The following ABLIM2 variants were observed in gnomAD, a reference collection of about 807,000 sequenced individuals.
ABLIM2 encodes actin binding LIM protein family member 2.
A neutral mutation model predicts 97.7 loss-of-function variants in ABLIM2; 53 were observed. The ratio of observed to expected loss-of-function variants is 0.54; its 90% CI spans 0.44 to 0.68. The LOEUF (loss-of-function observed/expected upper bound fraction) is 0.68, where lower values mean the gene tolerates loss of function less well. ABLIM2 is among the 30% of genes least tolerant of loss of function. The pLI, the probability that ABLIM2 is intolerant of heterozygous loss-of-function variation, is 0.00. For synonymous variants in ABLIM2, 361 were observed against 345.8 expected, an observed-to-expected ratio of 1.04 and a Z score of -0.49; for missense variants, 835 against 867.2, an observed-to-expected ratio of 0.96 and a Z score of 0.47.
Position 8,023,171 on chromosome 4 carries a change from G to T in ABLIM2, c.1268-2868C>A, listed in dbSNP as rs1308057703. The T allele has an allele frequency of 1.3e-5, 2 of 152,280 alleles. No individual in the cohort carries two copies. Among genetic ancestry groups the T allele is most frequent in the African/African-American group, 4.8e-5 (2 of 41,422 alleles). 9.4% of individuals were successfully genotyped at this position (152,280 alleles called of 1,614,324 possible). ...GGGGGCTCCCGCACCCTCCCGGCCC[G>T]CGTCCCTGCCGTCCCCTCTCCCATC... On this transcript the variant is annotated intron_variant, in intron 12 of 20. Coordinates refer to ENST00000447017, the MANE Select transcript of ABLIM2 (RefSeq NM_001130083.2). The surrounding 1 kb of genome is among the most constrained non-coding windows in gnomAD (Gnocchi z 5.7).
At position 8,054,569 on chromosome 4, in the gene ABLIM2, C is replaced by A. The variant is rs1436845260; in HGVS notation, c.764-323G>T. Among the ~76,000 whole-genome samples the A allele has an allele frequency of 6.6e-6, 1 of 152,220 alleles. No individual in the cohort carries two copies. The highest frequency in any genetic ancestry group is 1.5e-5 in the Non-Finnish European group (1 of 68,040). ...GAACCTGGGGGGCAGCTGGAAGATT[C>A]TTCTCTGAGGAGGGGGTATTTGAAG... On this transcript the variant is annotated intron_variant, in intron 7 of 20. Coordinates refer to ENST00000447017, the MANE Select transcript of ABLIM2 (RefSeq NM_001130083.2). The surrounding 1 kb of genome is among the most constrained non-coding windows in gnomAD (Gnocchi z 4.9).
In ABLIM2 at chr4:8,003,789, T is replaced by G. The variant is rs548951103; in HGVS notation, c.1618+4270A>C. The stretch of plus-strand genomic sequence containing the variant: ...CATGTTGGTCAGGCTGGTCTCGAAC[T>G]CCTGACCTCAGGTGATCTGCCCGCC... On this transcript the variant is annotated intron_variant, in intron 16 of 20. Coordinates refer to ENST00000447017, the MANE Select transcript of ABLIM2 (RefSeq NM_001130083.2). The surrounding 1 kb of genome is among the most constrained non-coding windows in gnomAD (Gnocchi z 4.2). Among the ~76,000 whole-genome samples, 4 of 152,216 alleles carry G rather than the reference T, an allele frequency of 2.6e-5. No homozygotes were observed. The South Asian group carries it at 8.3e-4, about 32-fold the overall frequency.
chr4:8,041,338 G>C (rs1420325736), intron 9 of ABLIM2: 1 of 152,278 alleles, frequency 6.6e-6, no homozygotes, highest in Admixed American at 6.5e-5. Flanking sequence ...TCCACAGGGA[G>C]CTTGTGCTCA....
rs145252003 is a variant in ABLIM2, at chr4:8,127,233, C to T, written c.11-20596G>A. 5.9e-5 allele frequency among the ~76,000 whole-genome samples: 9 copies of T among 152,290 alleles called. No homozygotes were observed. Among genetic ancestry groups the T allele is most frequent in the Non-Finnish European group, 1.0e-4 (7 of 68,028 alleles). ...GGGTGCTGGAGTCCAGACGCAGCTCCGATACCAGCACCGTGTGAGGTTGGA... is the reference window on the plus strand; with the variant it reads ...GGGTGCTGGAGTCCAGACGCAGCTCTGATACCAGCACCGTGTGAGGTTGGA... On this transcript the variant is annotated intron_variant, in intron 1 of 20. Coordinates refer to ENST00000447017, the MANE Select transcript of ABLIM2 (RefSeq NM_001130083.2). The surrounding 1 kb of genome is among the most constrained non-coding windows in gnomAD (Gnocchi z 7.3).
rs990833682 is a variant in ABLIM2, at chr4:8,069,018, C to T, written c.676-7964G>A. Among the ~76,000 whole-genome samples the T allele has an allele frequency of 2.6e-5, 4 of 152,250 alleles. No individual in the cohort carries two copies. Among genetic ancestry groups the T allele is most frequent in the Non-Finnish European group, 5.9e-5 (4 of 68,054 alleles). On this transcript the variant is annotated intron_variant, in intron 6 of 20. Transcript: ENST00000447017. The surrounding 1 kb of genome is among the most constrained non-coding windows in gnomAD (Gnocchi z 4.2). ...AGAAGGGCCCCACTCTGAGCAGTGC[C>T]CAGCAAGGCCCCTTGAGATCTGGGC...
chr4:8,110,415 G>C (rs1273409091), intron 1 of ABLIM2, among the ~76,000 whole-genome samples: 1 of 152,064 alleles, frequency 6.6e-6, no homozygotes, highest in African/African-American at 2.4e-5. Context: ...TGTGACCTCA[G>C]GTGAGGCCCT....
At chr4:8,126,434 C>G (rs1276218756) in intron 1 of ABLIM2, among the ~76,000 whole-genome samples, 1 of 150,300 alleles carries the variant, frequency 6.7e-6, no homozygotes, top group Non-Finnish European at 1.5e-5. Flanking sequence ...CCCTCCCCTC[C>G]CTTCCCTCTC....
At chr4:8,145,513 C>T (rs905477620) in intron 1 of ABLIM2, among the ~76,000 whole-genome samples, 1 of 152,030 alleles carries the variant, frequency 6.6e-6, no homozygotes, top group Non-Finnish European at 1.5e-5. Flanking sequence ...ACAAATCAAT[C>T]ACTCCCTTTG....
intron 9 of ABLIM2, chr4:8,041,512 G>C (rs1412703130): frequency 2.6e-5 from 4 of 151,706 alleles, no homozygotes; most frequent in African/African-American, 7.3e-5. Context: ...CTTGAAAGTG[G>C]GACCATGACA....
At chr4:8,081,943 G>C (rs1820105965) in intron 4 of ABLIM2, among the ~76,000 whole-genome samples, 2 of 152,194 alleles carry the variant, frequency 1.3e-5, no homozygotes, top group African/African-American at 4.8e-5. Flanking sequence ...TGTGTGACTG[G>C]TGCGTGAGTG....
rs1760844894 is a variant in ABLIM2, at chr4:8,005,730, A to G, written c.1618+2329T>C. 6.6e-6 allele frequency among the ~76,000 whole-genome samples: 1 copy of G among 152,240 alleles called. No homozygotes were observed. The highest frequency in any genetic ancestry group is 1.5e-5 in the Non-Finnish European group (1 of 68,036). On this transcript the variant is annotated intron_variant, in intron 16 of 20. Coordinates refer to ENST00000447017, the MANE Select transcript of ABLIM2 (RefSeq NM_001130083.2). This position sits in a 1 kb window ranked among gnomAD's most constrained non-coding sequence, Gnocchi z 4.9. ...GGCAATGCCATCGGGACAGAAGTAA[A>G]GGCACAATCAGAATGGTTAGACACA...
At position 8,060,212 on chromosome 4, in the gene ABLIM2, C is replaced by A. The variant is rs1260400244; in HGVS notation, c.763+755G>T. On this transcript the variant is annotated intron_variant, in intron 7 of 20. Coordinates refer to ENST00000447017, the MANE Select transcript of ABLIM2 (RefSeq NM_001130083.2). ...ATAAAGGGTAGCCGAATGCCGCCAT[C>A]AGAAGCTTAATTTAATTGTGAAAAT... Among the ~76,000 whole-genome samples the A allele has an allele frequency of 3.9e-5, 6 of 152,140 alleles. No homozygotes were observed. In the East Asian group the frequency reaches 1.2e-3, roughly 29 times the overall value.
intron 3 of ABLIM2, among the ~76,000 whole-genome samples, chr4:8,089,503 G>C (rs1825874020): frequency 6.6e-6 from 1 of 152,140 alleles, no homozygotes. Context: ...GGGAGGCTGA[G>C]GTGGGAGGAT....
chr4:8,019,263 T>C lies in ABLIM2; in HGVS notation c.1423+355A>G, dbSNP rs370889612. Among the ~76,000 whole-genome samples, 35 of 152,364 alleles carry C rather than the reference T, an allele frequency of 2.3e-4. No homozygotes were observed. In the South Asian group the frequency reaches 6.0e-3, roughly 26 times the overall value. On this transcript the variant is annotated intron_variant, in intron 14 of 20. Transcript: ENST00000447017. This position sits in a 1 kb window ranked among gnomAD's most constrained non-coding sequence, Gnocchi z 4.3. ...TCGGGCCTGGATCAGATTGTGGTTC[T>C]AGGAGCCTCTGTCCCTCACCATCTT...
At chr4:8,094,588 G>A (rs887207884) in intron 3 of ABLIM2, among the ~76,000 whole-genome samples, 5 of 152,162 alleles carry the variant, frequency 3.3e-5, no homozygotes, top group Admixed American at 2.6e-4. Context: ...TACAATATCT[G>A]GAATCTACAG....
chr4:7,965,545 G>T lies in ABLIM2; in HGVS notation c.*1445C>A, dbSNP rs1349480763. ...CATGGGCGCTAAGGAAACGGAGTAA[G>T]GCCGACTCACAGGCAGGAACATCGG... On this transcript the variant is annotated 3_prime_UTR_variant, in exon 21 of 21. Transcript: ENST00000447017. 1 of 152,522 alleles carries T rather than the reference G, an allele frequency of 6.6e-6. No homozygotes were observed. The highest frequency in any genetic ancestry group is 2.4e-5 in the African/African-American group (1 of 41,454). The allele number at this position is 152,522 out of a possible 1,614,324, so 9.4% of individuals were successfully genotyped here.
intron 9 of ABLIM2, among the ~76,000 whole-genome samples, chr4:8,040,377 A>AAGGT (rs1404554125): frequency 6.6e-6 from 1 of 152,110 alleles, no homozygotes; most frequent in Admixed American, 6.5e-5. Context: ...TTGGGAGGCC[A>AAGGT]AGGTAGGTGG....
intron 20 of ABLIM2, among the ~76,000 whole-genome samples, chr4:7,977,879 G>A (rs1416114544): frequency 1.3e-5 from 2 of 152,070 alleles, no homozygotes; most frequent in African/African-American, 4.8e-5. Context: ...TGTCAAATTT[G>A]AAAGCAAAAA....
rs1812562600 is a variant in ABLIM2 at position 8,072,026 on chromosome 4, C to T, written c.675+5602G>A. The T allele has an allele frequency of 1.0e-6, 1 of 985,460 alleles. No homozygotes were observed. The highest frequency in any genetic ancestry group is 1.2e-6 in the Non-Finnish European group (1 of 829,966). 61.0% of individuals were successfully genotyped at this position (985,460 alleles called of 1,614,324 possible). ...GTCCCCGCCCGCAGTTCCCACCTTG[C>T]ACCCGGGGAGGATGCTCAGAGCTGT... On this transcript the variant is annotated intron_variant, in intron 6 of 20. Coordinates refer to ENST00000447017, the MANE Select transcript of ABLIM2 (RefSeq NM_001130083.2). The surrounding 1 kb of genome is among the most constrained non-coding windows in gnomAD (Gnocchi z 5.8).
Sources: gnomAD v4.1 joint callset for allele counts (sites outside exome capture counted in the v4.1 genomes callset) on GRCh38, gnomAD v4.1.1 for gene constraint, Gnocchi (gnomAD v3.1) non-coding constraint, MANE v1.5 for transcripts, NCBI Gene and HGNC (gene_info 2026-07-23, HGNC 2026-07-21) for gene names.